The following EPHA6 variants were observed in gnomAD, a reference collection of about 807,000 sequenced individuals.
The protein encoded by EPHA6 is EPH receptor A6.
In EPHA6, 50 loss-of-function variants were observed where a neutral mutation model predicts 112.0. That is an observed-to-expected ratio of 0.45 (90% confidence interval 0.36 to 0.56). EPHA6 has a LOEUF of 0.56. EPHA6 is among the 20% of genes least tolerant of loss of function. The pLI, the probability that EPHA6 is intolerant of heterozygous loss-of-function variation, is 0.00. For synonymous variants in EPHA6, 529 were observed against 490.7 expected, an observed-to-expected ratio of 1.08 and a Z score of -1.03; for missense variants, 1,280 against 1,417.4, an observed-to-expected ratio of 0.90 and a Z score of 1.56.
chr3:97,511,674 G>A (rs1394884558), intron 10 of EPHA6, among the ~76,000 whole-genome samples: 3 of 152,092 alleles, frequency 2.0e-5, no homozygotes, highest in Non-Finnish European at 2.9e-5. Flanking sequence ...AATGCCATAT[G>A]AGTCATTATG....
intron 13 of EPHA6, among the ~76,000 whole-genome samples, chr3:97,626,733 C>A (rs2093860210): frequency 1.3e-5 from 2 of 151,730 alleles, no homozygotes; most frequent in Admixed American, 1.3e-4. Flanking sequence ...TTTGCAAGAG[C>A]TGGTTGATAA....
chr3:97,510,043 AT>A (rs2092335504), intron 10 of EPHA6, among the ~76,000 whole-genome samples: 1 of 152,144 alleles, frequency 6.6e-6, no homozygotes. Flanking sequence ...CCATCAGGTC[AT>A]TTATGTTCTT....
intron 9 of EPHA6, chr3:97,481,559 G>A (rs961643674): frequency 7.6e-6 from 5 of 661,686 alleles, no homozygotes; most frequent in African/African-American, 3.6e-5. Flanking sequence ...GCCGGGGCGC[G>A]GCGCGTCCGG....
rs113986301 is a variant in EPHA6 at position 97,395,259 on chromosome 3, A to G, written c.1607-9891A>G. Among the ~76,000 whole-genome samples the G allele has an allele frequency of 5.5e-3, 837 of 151,964 alleles. 11 individuals carry two copies. The highest frequency in any genetic ancestry group is 0.019 in the African/African-American group (807 of 41,530). On this transcript the variant is annotated intron_variant, in intron 5 of 17. Coordinates refer to ENST00000389672, the MANE Select transcript of EPHA6 (RefSeq NM_001080448.3). ...AAATAGATAACAATATATATTACCA[A>G]TAAACTCTGATTACAAGAAAAAAAC...
chr3:97,500,047 T>A (rs2107551420), intron 10 of EPHA6, among the ~76,000 whole-genome samples: 1 of 152,312 alleles, frequency 6.6e-6, no homozygotes, highest in African/African-American at 2.4e-5. Flanking sequence ...TTATCCTTAT[T>A]TATATTCTTA....
At chr3:97,531,265 T>C (rs2092691844) in intron 10 of EPHA6, among the ~76,000 whole-genome samples, 1 of 152,024 alleles carries the variant, frequency 6.6e-6, no homozygotes, top group Non-Finnish European at 1.5e-5. Flanking sequence ...GGTAATCAGC[T>C]CTAGAAAAAT....
intron 5 of EPHA6, among the ~76,000 whole-genome samples, chr3:97,338,151 C>T (rs772018828): frequency 8.6e-5 from 13 of 151,892 alleles, no homozygotes; most frequent in Middle Eastern, 3.4e-3. Context: ...TGAGAGTCTA[C>T]CCCTTAAAAT....
At chr3:97,623,407 G>A (rs952643068) in intron 13 of EPHA6, among the ~76,000 whole-genome samples, 1 of 151,590 alleles carries the variant, frequency 6.6e-6, no homozygotes, top group African/African-American at 2.4e-5. Context: ...AAAATTATGT[G>A]ACCATTGTAT....
chr3:97,337,821 TCA>T (rs1310720994), intron 5 of EPHA6, among the ~76,000 whole-genome samples: 2 of 152,198 alleles, frequency 1.3e-5, no homozygotes, highest in African/African-American at 2.4e-5. Flanking sequence ...ATTAGATTTA[TCA>T]CAGTAATCAT....
chr3:97,124,000 A>G (rs2048114104), intron 3 of EPHA6, among the ~76,000 whole-genome samples: 1 of 152,064 alleles, frequency 6.6e-6, no homozygotes, highest in Non-Finnish European at 1.5e-5. Flanking sequence ...AGAACCAGCA[A>G]TGCTTTATTT....
At chr3:96,906,762 C>T (rs1419356863) in intron 2 of EPHA6, among the ~76,000 whole-genome samples, 1 of 151,848 alleles carries the variant, frequency 6.6e-6, no homozygotes, top group Non-Finnish European at 1.5e-5. Flanking sequence ...TTTAAGATCA[C>T]CTTTTCTCTA....
intron 1 of EPHA6, among the ~76,000 whole-genome samples, chr3:96,863,522 A>T (rs1483993590): frequency 1.3e-5 from 2 of 152,010 alleles, no homozygotes; most frequent in Non-Finnish European, 2.9e-5. Context: ...TTTTTAAAGA[A>T]TTTTTAAGAG....
chr3:97,377,570 A>G (rs925182248), intron 5 of EPHA6, among the ~76,000 whole-genome samples: 2 of 152,096 alleles, frequency 1.3e-5, no homozygotes, highest in Non-Finnish European at 2.9e-5. Flanking sequence ...ACATAAAAAT[A>G]TGGGAGAGTT....
At chr3:97,625,645 C>T (rs1342600987) in intron 13 of EPHA6, among the ~76,000 whole-genome samples, 1 of 151,534 alleles carries the variant, frequency 6.6e-6, no homozygotes, top group Non-Finnish European at 1.5e-5. Flanking sequence ...GTCTGTTTCT[C>T]CCTTCAATTC....
At chr3:97,439,578 A>G in intron 6 of EPHA6, 1 of 998,262 alleles carries the variant, frequency 1.0e-6, no homozygotes, top group Non-Finnish European at 1.2e-6. Flanking sequence ...TGCCACTACT[A>G]TTTAATGTTG....
chr3:97,187,669 AAGAAAG>A (rs56330433), intron 3 of EPHA6, among the ~76,000 whole-genome samples: 18,117 of 140,550 alleles, frequency 0.13, 1,430 homozygotes, highest in Non-Finnish European at 0.16. Context: ...AAAGGAAAGA[AAGAAAG>A]AGAAAGAAAG....
chr3:97,426,262 G>A (rs1283008986), intron 6 of EPHA6, among the ~76,000 whole-genome samples: 2 of 152,198 alleles, frequency 1.3e-5, no homozygotes, highest in Non-Finnish European at 2.9e-5. Context: ...TATAGCTGGG[G>A]AGGCCTCACA....
intron 14 of EPHA6, among the ~76,000 whole-genome samples, chr3:97,655,709 A>T (rs939951424): frequency 2.1e-5 from 3 of 140,440 alleles, no homozygotes; most frequent in African/African-American, 7.9e-5. Context: ...AACAATGAGA[A>T]CACATGGACA....
intron 11 of EPHA6, among the ~76,000 whole-genome samples, chr3:97,541,655 C>T (rs1682043952): frequency 6.6e-6 from 1 of 151,332 alleles, no homozygotes. Context: ...GACCTTGAAA[C>T]CTTTCATGTG....
Sources: allele counts gnomAD v4.1 joint callset (sites outside exome capture counted in the v4.1 genomes callset), GRCh38; gene constraint gnomAD v4.1.1; transcripts MANE v1.5; gene names NCBI Gene and HGNC (gene_info 2026-07-23, HGNC 2026-07-21).